The following SGCE variants were observed in gnomAD, a reference collection of about 807,000 sequenced individuals.
SGCE encodes the protein sarcoglycan epsilon.
A neutral mutation model predicts 57.8 loss-of-function variants in SGCE; 26 were observed. The ratio of observed to expected loss-of-function variants is 0.45; its 90% CI spans 0.33 to 0.62. The LOEUF (loss-of-function observed/expected upper bound fraction) is 0.62. SGCE is among the 20% of genes least tolerant of loss of function. The probability of loss-of-function intolerance (pLI) is 0.02; values close to 1 mark genes in which losing one functional copy is unlikely to be tolerated. For missense variants in SGCE, 468 were observed against 548.6 expected (o/e 0.85, Z 1.47); for synonymous variants, 183 against 189.5 (o/e 0.97, Z 0.28).
chr7:94,619,319 C>A, intron 4 of SGCE: 1 of 183,092 alleles, frequency 5.5e-6, no homozygotes, highest in Non-Finnish European at 1.1e-5. Context: ...AAATAAAAAT[C>A]AATTATATGT....
At chr7:94,625,513 C>T (rs957962618) in intron 3 of SGCE, 42 of 152,020 alleles carry the variant, frequency 2.8e-4, no homozygotes, top group African/African-American at 8.0e-4. Context: ...TCTCCCCAAC[C>T]AGAAGTAGTC....
At chr7:94,602,704 T>C (rs1799463776) in intron 6 of SGCE, among the ~76,000 whole-genome samples, 1 of 152,182 alleles carries the variant, frequency 6.6e-6, no homozygotes, top group Non-Finnish European at 1.5e-5. Flanking sequence ...ACACATATCT[T>C]ACATATATTT....
At chr7:94,590,412 C>T (rs572236030) in intron 9 of SGCE, 5 of 151,822 alleles carry the variant, frequency 3.3e-5, no homozygotes, top group Non-Finnish European at 7.4e-5. Context: ...TTTAATTGCC[C>T]CAAAGTATAT....
intron 5 of SGCE, among the ~76,000 whole-genome samples, chr7:94,613,482 A>G (rs1584607228): frequency 6.6e-6 from 1 of 152,178 alleles, no homozygotes; most frequent in African/African-American, 2.4e-5. Context: ...AAGGCTCTCA[A>G]TGAATGCTAA....
At chr7:94,654,316 T>G (rs994536674) in intron 1 of SGCE, among the ~76,000 whole-genome samples, 2 of 152,210 alleles carry the variant, frequency 1.3e-5, no homozygotes, top group African/African-American at 4.8e-5. Flanking sequence ...GAACTTTAAT[T>G]TTTCCTGCTT....
intron 1 of SGCE, among the ~76,000 whole-genome samples, chr7:94,655,493 AT>A (rs889948561): frequency 6.6e-6 from 1 of 151,908 alleles, no homozygotes; most frequent in Non-Finnish European, 1.5e-5. Flanking sequence ...TAAATGTCAC[AT>A]TTTTGTGTTC....
chr7:94,600,805 C>G lies in SGCE; in HGVS notation c.878G>C (p.Gly293Ala). 6.8e-6 allele frequency: 11 copies of G among 1,613,116 alleles called. No homozygotes were observed. Among genetic ancestry groups the G allele is most frequent in the Non-Finnish European group, 9.3e-6 (11 of 1,179,718 alleles). Residue 293 changes from glycine (G) to alanine (A), a missense_variant, in exon 7 of 11, where the codon GGG becomes GCG. Physicochemically the swap from Gly to Ala is moderately conservative, Grantham distance 60 (BLOSUM62 0). Transcript: ENST00000648936. ...STYQEVIRGE[G>A]ILPDGGEYKP... ...GTATTCTCCACCATCAGGTAAAATC[C>G]CCTCTCCACGAATCACTTCCTGATA...
chr7:94,615,233 C>T (rs1016713714), intron 5 of SGCE, among the ~76,000 whole-genome samples: 1 of 152,062 alleles, frequency 6.6e-6, no homozygotes, highest in Admixed American at 6.5e-5. Context: ...GTGGCAGGTG[C>T]CTGTAATCTC....
chr7:94,648,015 G>A (rs1807346844), intron 1 of SGCE, among the ~76,000 whole-genome samples: 1 of 152,132 alleles, frequency 6.6e-6, no homozygotes, highest in African/African-American at 2.4e-5. Flanking sequence ...TAGCCGAGCT[G>A]TGTATTCCCT....
rs1462742496 is a variant in SGCE, at chr7:94,636,214, A to G, written c.110-6373T>C. 5.9e-5 allele frequency among the ~76,000 whole-genome samples: 9 copies of G among 152,236 alleles called. 1 individual carries two copies. The highest frequency in any genetic ancestry group is 5.2e-4 in the Admixed American group (8 of 15,284). ...TGTGTTTTTTAAATGTCAATCGGAA[A>G]AAGGTTGCAAACCATTGCTAATTGG... On this transcript the variant is annotated intron_variant, in intron 1 of 10. Coordinates refer to ENST00000648936, the MANE Select transcript of SGCE (RefSeq NM_003919.3).
Position 94,585,346 on chromosome 7 carries a change from AAGTT to A in SGCE, c.*149_*152del, listed in dbSNP as rs1355184471. ...ACAAAAAAATACATTAGTAAAATGA[AAGTT>A]ATGTTGTATTATTTGGTATACACTT... is the stretch of plus-strand genomic sequence containing the variant. On this transcript the variant is annotated 3_prime_UTR_variant, in exon 11 of 11. Transcript: ENST00000648936. 1 of 600,320 alleles carries A rather than the reference AAGTT, an allele frequency of 1.7e-6. No homozygotes were observed. The highest frequency in any genetic ancestry group is 2.9e-6 in the Non-Finnish European group (1 of 341,116). 37.2% of individuals were successfully genotyped at this position (600,320 alleles called of 1,614,324 possible). A position where few individuals can be genotyped will look rare whatever the true frequency, so the allele number is the denominator to read the frequency against.
At chr7:94,613,764 T>C (rs1340067455) in intron 5 of SGCE, among the ~76,000 whole-genome samples, 1 of 152,158 alleles carries the variant, frequency 6.6e-6, no homozygotes, top group Non-Finnish European at 1.5e-5. Context: ...TTATTTTATG[T>C]ATATAGAAGA....
chr7:94,600,618 A>C, intron 7 of SGCE, 28 bp downstream of exon 7: 1 of 1,512,706 alleles, frequency 6.6e-7, no homozygotes, highest in South Asian at 1.1e-5. Flanking sequence ...AGGATCTCTA[A>C]TTATCTTATT....
chr7:94,639,796 T>C (rs1173369459), intron 1 of SGCE, among the ~76,000 whole-genome samples: 1 of 152,168 alleles, frequency 6.6e-6, no homozygotes, highest in Non-Finnish European at 1.5e-5. Flanking sequence ...ATAAGAACAC[T>C]AATGGGGAAG....
rs143739773 is a variant in SGCE at position 94,653,164 on chromosome 7, G to A, written c.109+2826C>T. Among the ~76,000 whole-genome samples, 4 of 152,184 alleles carry A rather than the reference G, an allele frequency of 2.6e-5. No individual in the cohort carries two copies. In the East Asian group the frequency reaches 7.7e-4, roughly 29 times the overall value. On this transcript the variant is annotated intron_variant, in intron 1 of 10. Transcript: ENST00000648936. ...CTAAATACATAAGGTAAATTCAACA[G>A]CTTTATAAATACATGGCAAATTTTC...
At chr7:94,623,986 G>A (rs1033308309) in intron 3 of SGCE, 2 of 385,476 alleles carry the variant, frequency 5.2e-6, no homozygotes, top group African/African-American at 2.1e-5. Flanking sequence ...CCCTTCATAC[G>A]GGCAAATATT....
intron 5 of SGCE, among the ~76,000 whole-genome samples, chr7:94,603,720 T>C (rs1799628663): frequency 6.6e-6 from 1 of 152,126 alleles, no homozygotes; most frequent in Non-Finnish European, 1.5e-5. Context: ...TTTCATCCCA[T>C]TTATTTTCAT....
At chr7:94,616,157 G>A (rs1308438922) in intron 5 of SGCE, among the ~76,000 whole-genome samples, 2 of 152,096 alleles carry the variant, frequency 1.3e-5, no homozygotes, top group Non-Finnish European at 2.9e-5. Context: ...TGCAGGTTGG[G>A]CTCATGGGGA....
chr7:94,608,017 C>T (rs528341060), intron 5 of SGCE, among the ~76,000 whole-genome samples: 134 of 152,092 alleles, frequency 8.8e-4, no homozygotes, highest in Non-Finnish European at 1.6e-3. Context: ...CCATCACTTT[C>T]CTATATACCA....
Sources: allele counts gnomAD v4.1 joint callset (sites outside exome capture counted in the v4.1 genomes callset), GRCh38; gene constraint gnomAD v4.1.1; transcripts MANE v1.5; gene names NCBI Gene and HGNC (gene_info 2026-07-23, HGNC 2026-07-21).